The following SYNRG variants were observed in gnomAD, a reference collection of about 807,000 sequenced individuals.
SYNRG encodes AP1 gamma subunit binding protein 1.
SYNRG carries 37 observed loss-of-function variants against 130.9 expected under a neutral mutation model. The ratio of observed to expected loss-of-function variants is 0.28; its 90% CI spans 0.22 to 0.37. The LOEUF (loss-of-function observed/expected upper bound fraction) is 0.37. Ranked by LOEUF, SYNRG falls within the 10% of genes least tolerant of loss-of-function variation. SYNRG has a pLI of 1.00. For synonymous variants in SYNRG, 539 were observed against 568.1 expected (o/e 0.95, Z 0.73); for missense variants, 1,338 against 1,588.9 (o/e 0.84, Z 2.68).
intron 19 of SYNRG, among the ~76,000 whole-genome samples, chr17:37,522,890 T>C (rs2055317552): frequency 6.6e-6 from 1 of 151,644 alleles, no homozygotes; most frequent in Non-Finnish European, 1.5e-5. Flanking sequence ...CTGTCCACCT[T>C]GGCCTCCCAA....
Position 37,577,432 on chromosome 17 carries a change from G to A in SYNRG, c.771C>T (p.Thr257=). 1 of 1,614,162 alleles carries A rather than the reference G, an allele frequency of 6.2e-7. No homozygotes were observed. Residue 257 remains threonine (T), a synonymous_variant, in exon 7 of 22, where the codon ACC becomes ACT. Coordinates refer to ENST00000612223, the MANE Select transcript of SYNRG (RefSeq NM_007247.6). ...VAVDGCVSGT[T]TAEAENTSDQ... is the part of the protein sequence containing the mutation. Reference sequence around the variant, plus strand: ...CTGAAGTATTTTCTGCCTCTGCAGTGGTGGTACCACTTACACATCCATCTA... The same window carrying A: ...CTGAAGTATTTTCTGCCTCTGCAGTAGTGGTACCACTTACACATCCATCTA...
At chr17:37,548,842 A>T (rs368223117) in intron 14 of SYNRG, among the ~76,000 whole-genome samples, 1 of 149,378 alleles carries the variant, frequency 6.7e-6, no homozygotes, top group African/African-American at 2.5e-5. Context: ...AAAAAAAAAA[A>T]ACACACAAAA....
chr17:37,519,157 C>A (rs1271145475), intron 21 of SYNRG, 86 bp from the exon 22 acceptor site: 2 of 1,547,782 alleles, frequency 1.3e-6, no homozygotes, highest in South Asian at 2.5e-5. Flanking sequence ...ACATCTATCT[C>A]TCCAGGTCAC....
chr17:37,604,171 C>T (rs866553667), intron 1 of SYNRG, among the ~76,000 whole-genome samples: 23 of 150,294 alleles, frequency 1.5e-4, no homozygotes, highest in Admixed American at 1.1e-3. Flanking sequence ...ACCCGGGAGG[C>T]GAAGGTTACA....
At chr17:37,570,522 A>ATT in intron 10 of SYNRG, 115 bp downstream of exon 10, 1 of 1,353,882 alleles carries the variant, frequency 7.4e-7, no homozygotes, top group African/African-American at 1.5e-5. Context: ...ATACAACCTA[A>ATT]GAATTTAAAT....
chr17:37,564,945 A>C (rs988465093), intron 11 of SYNRG, among the ~76,000 whole-genome samples: 5 of 152,218 alleles, frequency 3.3e-5, no homozygotes, highest in Non-Finnish European at 7.3e-5. Context: ...ATGAATAATG[A>C]GTATGAATTC....
At chr17:37,607,573 G>C (rs1204853505) in intron 1 of SYNRG, among the ~76,000 whole-genome samples, 2 of 152,200 alleles carry the variant, frequency 1.3e-5, no homozygotes, top group African/African-American at 4.8e-5. Context: ...CGGATCACTT[G>C]AGGCCAGGAG....
At chr17:37,591,374 G>A (rs1290354269) in intron 3 of SYNRG, among the ~76,000 whole-genome samples, 1 of 152,178 alleles carries the variant, frequency 6.6e-6, no homozygotes, top group East Asian at 1.9e-4. Flanking sequence ...ATATTGATAT[G>A]TTGGAAGACA....
intron 19 of SYNRG, among the ~76,000 whole-genome samples, chr17:37,524,835 A>C (rs781404419): frequency 6.6e-6 from 1 of 152,246 alleles, no homozygotes; most frequent in Non-Finnish European, 1.5e-5. Context: ...AGAGGTTAAA[A>C]CATAGTATCA....
intron 1 of SYNRG, among the ~76,000 whole-genome samples, chr17:37,603,764 A>G (rs961642179): frequency 1.3e-5 from 2 of 152,250 alleles, no homozygotes; most frequent in Non-Finnish European, 1.5e-5. Flanking sequence ...TATGGACTAT[A>G]GGCAGAGTAG....
intron 14 of SYNRG, among the ~76,000 whole-genome samples, chr17:37,547,553 C>A (rs2058379808): frequency 6.6e-6 from 1 of 151,780 alleles, no homozygotes; most frequent in Non-Finnish European, 1.5e-5. Flanking sequence ...ACCTCCACCT[C>A]ACAGGTTCAA....
intron 11 of SYNRG, among the ~76,000 whole-genome samples, chr17:37,566,288 T>G (rs2145848903): frequency 6.7e-6 from 1 of 150,040 alleles, no homozygotes; most frequent in Admixed American, 6.6e-5. Flanking sequence ...TGTTCTGTAC[T>G]AAGAAAAATT....
chr17:37,546,559 C>T (rs974856445), intron 14 of SYNRG, among the ~76,000 whole-genome samples: 1 of 152,198 alleles, frequency 6.6e-6, no homozygotes, highest in East Asian at 1.9e-4. Context: ...TCTTCCATAA[C>T]CTCTATTCAA....
rs550700359 is a variant in SYNRG, at chr17:37,586,063, G to A, written c.371+356C>T. On this transcript the variant is annotated intron_variant, in intron 4 of 21. Coordinates refer to ENST00000612223, the MANE Select transcript of SYNRG (RefSeq NM_007247.6). ...AGCTGGAGTACCGTGGCATGATCAC[G>A]GCTGACTGCAGCCTCAACCTCGGGG... 5.3e-5 allele frequency among the ~76,000 whole-genome samples: 8 copies of A among 152,156 alleles called. No individual in the cohort carries two copies. The South Asian group carries it at 1.0e-3, about 20-fold the overall frequency.
rs1467833692 is a variant in SYNRG at position 37,518,870 on chromosome 17, A to C, written c.*70T>G. ...GCGAACTGTGCAGTGCTCGCATTCT[A>C]TTTATTGGTCCCTGTCACCCCGTGG... On this transcript the variant is annotated 3_prime_UTR_variant, in exon 22 of 22. Transcript: ENST00000612223. 6.3e-7 allele frequency: 1 copy of C among 1,577,880 alleles called. No homozygotes were observed. The highest frequency in any genetic ancestry group is 8.6e-7 in the Non-Finnish European group (1 of 1,161,222).
At chr17:37,578,972 C>A (rs2061071955) in intron 6 of SYNRG, among the ~76,000 whole-genome samples, 1 of 152,200 alleles carries the variant, frequency 6.6e-6, no homozygotes, top group Non-Finnish European at 1.5e-5. Context: ...GACCCCAGAA[C>A]TTAAAAATCT....
At chr17:37,593,607 A>G (rs1248582415) in intron 3 of SYNRG, among the ~76,000 whole-genome samples, 1 of 152,034 alleles carries the variant, frequency 6.6e-6, no homozygotes, top group Non-Finnish European at 1.5e-5. Flanking sequence ...AGTGGCGGAC[A>G]GGTGTGGTGG....
At chr17:37,525,938 C>A (rs2055845277) in intron 19 of SYNRG, among the ~76,000 whole-genome samples, 1 of 152,200 alleles carries the variant, frequency 6.6e-6, no homozygotes, top group Non-Finnish European at 1.5e-5. Context: ...TGCACTCCAG[C>A]CTGGGCAACA....
At chr17:37,601,572 C>T (rs2063287596) in intron 1 of SYNRG, among the ~76,000 whole-genome samples, 1 of 152,128 alleles carries the variant, frequency 6.6e-6, no homozygotes, top group East Asian at 1.9e-4. Flanking sequence ...TCCATCATCC[C>T]AAACAGAAAC....
Sources: gnomAD v4.1 joint callset for allele counts (sites outside exome capture counted in the v4.1 genomes callset) on GRCh38, gnomAD v4.1.1 for gene constraint, MANE v1.5 for transcripts, NCBI Gene and HGNC (gene_info 2026-07-23, HGNC 2026-07-21) for gene names.